Variants in TANC2 observed in about 807,000 individuals in gnomAD.
The protein encoded by TANC2 is protein TANC2.
In TANC2, 26 loss-of-function variants were observed where a neutral mutation model predicts 210.5. That is an observed-to-expected ratio of 0.12 (90% CI 0.09 to 0.17). The LOEUF (loss-of-function observed/expected upper bound fraction) is 0.17, where lower values mean the gene tolerates loss of function less well. Ranked by LOEUF, TANC2 falls within the 10% of genes least tolerant of loss-of-function variation. The pLI is 1.00. For missense variants in TANC2, 2,129 were observed against 2,608.9 expected (o/e 0.82, Z 4.01); for synonymous variants, 931 against 967.1 (o/e 0.96, Z 0.69).
chr17:63,289,623 C>G (rs2044325997), intron 9 of TANC2, among the ~76,000 whole-genome samples: 1 of 152,156 alleles, frequency 6.6e-6, no homozygotes, highest in South Asian at 2.1e-4. Flanking sequence ...CCATTAGCGC[C>G]TTTAACGTGT....
intron 4 of TANC2, among the ~76,000 whole-genome samples, chr17:63,100,178 C>T (rs541781588): frequency 6.6e-6 from 1 of 152,180 alleles, no homozygotes; most frequent in South Asian, 2.1e-4. Context: ...TCCTGTCTGA[C>T]ATTGAGCTAG....
At chr17:63,083,919 G>T (rs1244179632) in intron 3 of TANC2, among the ~76,000 whole-genome samples, 1 of 152,072 alleles carries the variant, frequency 6.6e-6, no homozygotes, top group African/African-American at 2.4e-5. Flanking sequence ...ATTTTTGCAC[G>T]TACGTTCATG....
intron 25 of TANC2, among the ~76,000 whole-genome samples, chr17:63,414,991 T>G (rs2147370928): frequency 6.6e-6 from 1 of 152,288 alleles, no homozygotes; most frequent in South Asian, 2.1e-4. Flanking sequence ...GGAACACTGA[T>G]TGGTATTATT....
chr17:63,374,199 GCTAA>G (rs2047359309), intron 14 of TANC2, among the ~76,000 whole-genome samples: 1 of 151,834 alleles, frequency 6.6e-6, no homozygotes, highest in African/African-American at 2.4e-5. Context: ...AGCACAACTG[GCTAA>G]CTTTTTAACT....
chr17:63,200,789 C>T lies in TANC2; in HGVS notation c.601C>T (p.Arg201Trp), dbSNP rs755191740. ...TTTTCAGACCTCAGCAATCACCCAGCGGATAAGTCCTTGTTCCACTCTGAC... is the reference window on the plus strand; with the variant it reads ...TTTTCAGACCTCAGCAATCACCCAGTGGATAAGTCCTTGTTCCACTCTGAC... Residue 201 changes from arginine to tryptophan, a missense_variant, in exon 7 of 28, where the codon CGG (arginine) becomes TGG (tryptophan). Arg to Trp is a moderately radical substitution (Grantham distance 101). Coordinates refer to ENST00000689528, the Ensembl canonical transcript of TANC2. 8.7e-6 allele frequency: 14 copies of T among 1,612,660 alleles called. No individual in the cohort carries two copies. Among genetic ancestry groups the T allele is most frequent in the South Asian group, 2.2e-5 (2 of 90,880 alleles).
At chr17:63,363,831 G>A (rs559048269) in intron 14 of TANC2, among the ~76,000 whole-genome samples, 5 of 152,144 alleles carry the variant, frequency 3.3e-5, no homozygotes, top group Non-Finnish European at 5.9e-5. Context: ...GCTATTCTGG[G>A]TCTTTCACTA....
chr17:63,025,816 T>TAAAATAAAA (rs1188831436), intron 2 of TANC2, among the ~76,000 whole-genome samples: 21 of 107,880 alleles, frequency 1.9e-4, no homozygotes, highest in African/African-American at 9.6e-4. Flanking sequence ...TAAAATAAAA[T>TAAAATAAAA]TAAATTAAAA....
chr17:63,053,609 A>C (rs1458799928), intron 2 of TANC2, among the ~76,000 whole-genome samples: 2 of 152,140 alleles, frequency 1.3e-5, no homozygotes, highest in African/African-American at 2.4e-5. Flanking sequence ...GCAGTTTCAT[A>C]GTTTAAATGG....
intron 2 of TANC2, among the ~76,000 whole-genome samples, chr17:63,038,550 ATT>A (rs1221639249): frequency 2.0e-5 from 3 of 151,798 alleles, no homozygotes; most frequent in Non-Finnish European, 2.9e-5. Context: ...AATTGGGAGT[ATT>A]TTCTGCTCTT....
At chr17:63,414,904 T>C (rs924230840) in intron 25 of TANC2, among the ~76,000 whole-genome samples, 1 of 152,214 alleles carries the variant, frequency 6.6e-6, no homozygotes, top group African/African-American at 2.4e-5. Context: ...TAATCCCTCC[T>C]GCAACATCAG....
At chr17:63,058,783 G>T (rs1474829637) in intron 2 of TANC2, among the ~76,000 whole-genome samples, 1 of 152,034 alleles carries the variant, frequency 6.6e-6, no homozygotes, top group African/African-American at 2.4e-5. Flanking sequence ...TGGTCTATGT[G>T]TCTGTTTTTG....
chr17:63,348,220 G>A (rs947999387), intron 12 of TANC2, among the ~76,000 whole-genome samples: 2 of 152,160 alleles, frequency 1.3e-5, no homozygotes, highest in African/African-American at 4.8e-5. Flanking sequence ...CCGAGATTCA[G>A]TTCTGACTTC....
chr17:63,193,736 T>TA (rs1456881182), intron 5 of TANC2, among the ~76,000 whole-genome samples: 2 of 152,168 alleles, frequency 1.3e-5, no homozygotes, highest in African/African-American at 4.8e-5. Flanking sequence ...TCATTTTAGG[T>TA]AAAATTTTTT....
At chr17:63,184,757 T>C (rs2040916991) in intron 5 of TANC2, among the ~76,000 whole-genome samples, 1 of 151,404 alleles carries the variant, frequency 6.6e-6, no homozygotes, top group East Asian at 1.9e-4. Context: ...AGGTTCAAGC[T>C]ATTCTCATGT....
At chr17:63,183,739 T>TG (rs1229668268) in intron 5 of TANC2, among the ~76,000 whole-genome samples, 1 of 152,206 alleles carries the variant, frequency 6.6e-6, no homozygotes, top group Non-Finnish European at 1.5e-5. Flanking sequence ...AAATGCAGGC[T>TG]GGGCGCGGTG....
chr17:63,098,464 ACACACACACACACACATACACTCT>A (rs1451364069), intron 3 of TANC2, among the ~76,000 whole-genome samples: 4 of 38,252 alleles, frequency 1.0e-4, no homozygotes, highest in African/African-American at 3.6e-4. Flanking sequence ...ACACACACAC[ACACACACACACACACATACACTCT>A]CTCTCTCTCT....
At chr17:62,998,322 G>C (rs1323141434) in intron 1 of TANC2, among the ~76,000 whole-genome samples, 1 of 152,162 alleles carries the variant, frequency 6.6e-6, no homozygotes, top group Non-Finnish European at 1.5e-5. Flanking sequence ...GGGAGAGAAA[G>C]CAAGCAACTT....
intron 3 of TANC2, among the ~76,000 whole-genome samples, chr17:63,082,414 T>G (rs771506720): frequency 8.5e-5 from 13 of 152,192 alleles, no homozygotes; most frequent in Non-Finnish European, 1.0e-4. Flanking sequence ...GGTTTTAATG[T>G]TTTTTTCCTA....
chr17:63,025,021 C>T (rs1209801172), intron 2 of TANC2, among the ~76,000 whole-genome samples: 10 of 152,106 alleles, frequency 6.6e-5, no homozygotes, highest in Non-Finnish European at 2.9e-5. Flanking sequence ...TAAGTTTTTG[C>T]TCTTTGATTT....
Sources: gnomAD v4.1 joint callset for allele counts (sites outside exome capture counted in the v4.1 genomes callset) on GRCh38, gnomAD v4.1.1 for gene constraint, MANE v1.5 for transcripts, NCBI Gene and HGNC (gene_info 2026-07-23, HGNC 2026-07-21) for gene names.